Variants in CADM2 observed in about 807,000 individuals in gnomAD.
The protein encoded by CADM2 is cell adhesion molecule 2.
CADM2 carries 12 observed loss-of-function variants against 49.8 expected under a neutral mutation model. That is an observed-to-expected ratio of 0.24 (90% CI 0.15 to 0.39). CADM2 has a LOEUF of 0.39. Among genes scored for constraint, CADM2 ranks in the 10% least tolerant of loss-of-function variants. CADM2 has a pLI of 1.00. For missense variants in CADM2, 378 were observed against 492.3 expected (o/e 0.77, Z 2.20); for synonymous variants, 214 against 175.4 (o/e 1.22, Z -1.74).
intron 1 of CADM2, among the ~76,000 whole-genome samples, chr3:85,514,341 G>T (rs2060844112): frequency 1.3e-5 from 2 of 151,954 alleles, no homozygotes; most frequent in Non-Finnish European, 1.5e-5. Flanking sequence ...CTACATAATT[G>T]TAACTGATCA....
At chr3:85,120,847 T>A (rs1347345251) in intron 1 of CADM2, among the ~76,000 whole-genome samples, 1 of 152,074 alleles carries the variant, frequency 6.6e-6, no homozygotes, top group Non-Finnish European at 1.5e-5. Flanking sequence ...AAAAAAAAGA[T>A]ACATTGCTCT....
At chr3:85,203,446 C>A (rs1393103461) in intron 1 of CADM2, among the ~76,000 whole-genome samples, 5 of 152,038 alleles carry the variant, frequency 3.3e-5, no homozygotes, top group Non-Finnish European at 7.4e-5. Flanking sequence ...ACACACACAG[C>A]ATTTATTGAT....
chr3:85,257,807 T>TA (rs962332992), intron 1 of CADM2, among the ~76,000 whole-genome samples: 2 of 152,090 alleles, frequency 1.3e-5, no homozygotes, highest in African/African-American at 2.4e-5. Flanking sequence ...CCAAGAGTTT[T>TA]AAAAATCTAT....
At chr3:86,003,594 C>A (rs1730433685) in intron 8 of CADM2, among the ~76,000 whole-genome samples, 1 of 152,120 alleles carries the variant, frequency 6.6e-6, no homozygotes, top group Non-Finnish European at 1.5e-5. Flanking sequence ...GGAATAATCT[C>A]AAAAAACTTA....
At chr3:85,937,900 C>T (rs535346445) in intron 7 of CADM2, among the ~76,000 whole-genome samples, 16 of 152,070 alleles carry the variant, frequency 1.1e-4, no homozygotes, top group Admixed American at 7.2e-4. Flanking sequence ...TTATATGTTG[C>T]GTTTATCTTC....
At position 86,072,533 on chromosome 3, in the gene CADM2, A is replaced by C. The variant is rs1167790615; in HGVS notation, c.*5750A>C. 6.6e-6 allele frequency: 1 copy of C among 152,082 alleles called. No homozygotes were observed. Among genetic ancestry groups the C allele is most frequent in the African/African-American group, 2.4e-5 (1 of 41,442 alleles). The allele number at this position is 152,082 out of a possible 1,614,324, so 9.4% of individuals were successfully genotyped here. ...AAAAACCTACCAGGGCTCAGCACTT[A>C]AGCACTTTTCCCACATCCAGGGTCA... On this transcript the variant is annotated 3_prime_UTR_variant, in exon 10 of 10. Transcript: ENST00000383699.
chr3:85,927,734 C>G (rs983981779), intron 6 of CADM2, among the ~76,000 whole-genome samples: 7 of 152,142 alleles, frequency 4.6e-5, no homozygotes, highest in Non-Finnish European at 1.0e-4. Flanking sequence ...GTTTCTCTTA[C>G]TTAGCATTTT....
In CADM2 at chr3:85,768,060, C is replaced by T. The variant is rs528378961; in HGVS notation, c.89-33987C>T. 3.9e-5 allele frequency among the ~76,000 whole-genome samples: 6 copies of T among 152,206 alleles called. No individual in the cohort carries two copies. In the South Asian group the frequency reaches 8.3e-4, roughly 21 times the overall value. ...AGTTCTTCTTTCTTACATAGATTAG[C>T]TTCAATGGTAATTATTTGATGGTCT... is the stretch of plus-strand genomic sequence containing the variant. On this transcript the variant is annotated intron_variant, in intron 2 of 9. Transcript: ENST00000383699.
chr3:85,328,808 A>C (rs1205876877), intron 1 of CADM2, among the ~76,000 whole-genome samples: 1 of 151,936 alleles, frequency 6.6e-6, no homozygotes, highest in Non-Finnish European at 1.5e-5. Flanking sequence ...CATTTGATTT[A>C]GTCTTATATC....
At chr3:85,839,463 A>C (rs980704188) in intron 3 of CADM2, among the ~76,000 whole-genome samples, 3 of 150,214 alleles carry the variant, frequency 2.0e-5, no homozygotes, top group Non-Finnish European at 4.5e-5. Flanking sequence ...TGAAAAACAT[A>C]TGGTTATTAT....
intron 8 of CADM2, among the ~76,000 whole-genome samples, chr3:86,015,309 C>T (rs995846804): frequency 2.0e-5 from 3 of 152,094 alleles, no homozygotes; most frequent in African/African-American, 7.2e-5. Context: ...ACCTGTTCTT[C>T]CAGAAGAGAA....
chr3:85,608,568 T>A (rs2063596963), intron 1 of CADM2, among the ~76,000 whole-genome samples: 2 of 152,142 alleles, frequency 1.3e-5, no homozygotes, highest in South Asian at 4.1e-4. Context: ...TGAATGGCAT[T>A]GTAAAATCGA....
intron 1 of CADM2, among the ~76,000 whole-genome samples, chr3:85,318,870 G>T (rs11127884): frequency 0.056 from 8,561 of 152,122 alleles, 319 homozygotes; most frequent in East Asian, 0.14. Context: ...TTCTAATAAT[G>T]TGATATGATT....
At chr3:85,477,369 G>A (rs1002065274) in intron 1 of CADM2, among the ~76,000 whole-genome samples, 7 of 143,370 alleles carry the variant, frequency 4.9e-5, no homozygotes, top group Non-Finnish European at 9.3e-5. Flanking sequence ...CAAGGAGAGA[G>A]ATTTAAGAAG....
At chr3:85,503,302 C>T (rs1559873207) in intron 1 of CADM2, among the ~76,000 whole-genome samples, 3 of 152,120 alleles carry the variant, frequency 2.0e-5, no homozygotes, top group Non-Finnish European at 2.9e-5. Context: ...GGAAAATATG[C>T]TCAGGAAGTC....
intron 1 of CADM2, among the ~76,000 whole-genome samples, chr3:85,488,289 C>T (rs1346553025): frequency 2.0e-5 from 3 of 151,978 alleles, no homozygotes; most frequent in Non-Finnish European, 2.9e-5. Context: ...GCTCCTTGTC[C>T]CAATTCTGAG....
At chr3:85,739,882 T>C (rs1249821111) in intron 2 of CADM2, among the ~76,000 whole-genome samples, 2 of 152,196 alleles carry the variant, frequency 1.3e-5, no homozygotes, top group Non-Finnish European at 2.9e-5. Flanking sequence ...GTGATAGTGA[T>C]GCCCAAGTGT....
chr3:85,987,681 A>G (rs1728280710), intron 8 of CADM2, among the ~76,000 whole-genome samples: 1 of 146,762 alleles, frequency 6.8e-6, no homozygotes, highest in African/African-American at 2.5e-5. Flanking sequence ...ATTTATATTT[A>G]TATAAAATAA....
Position 85,416,344 on chromosome 3 carries a change from T to A in CADM2, c.62-310178T>A, listed in dbSNP as rs954630303. Reference sequence around the variant, plus strand: ...GATAATCAAAGACAATTATATTTATTTATACAATAACAAGATCTTTTAGTT... The same window carrying A: ...GATAATCAAAGACAATTATATTTATATATACAATAACAAGATCTTTTAGTT... On this transcript the variant is annotated intron_variant, in intron 1 of 9. Coordinates refer to ENST00000383699, the MANE Select transcript of CADM2 (RefSeq NM_001167675.2). Among the ~76,000 whole-genome samples, 3 of 152,156 alleles carry A rather than the reference T, an allele frequency of 2.0e-5. No homozygotes were observed. The East Asian group carries it at 5.8e-4, about 29-fold the overall frequency.
Sources: allele counts gnomAD v4.1 joint callset (sites outside exome capture counted in the v4.1 genomes callset), GRCh38; gene constraint gnomAD v4.1.1; transcripts MANE v1.5; gene names NCBI Gene and HGNC (gene_info 2026-07-23, HGNC 2026-07-21).